CSMD3: variants seen among roughly 807,000 people sequenced by gnomAD.
The protein encoded by CSMD3 is CUB and sushi domain-containing protein 3.
A neutral mutation model predicts 435.2 loss-of-function variants in CSMD3; 177 were observed. The observed-to-expected ratio is 0.41, with a 90% CI of 0.36 to 0.46. CSMD3 has a LOEUF of 0.46. Among genes scored for constraint, CSMD3 ranks in the 20% least tolerant of loss-of-function variants. The pLI is 0.34. For synonymous variants in CSMD3, 1,656 were observed against 1,520.5 expected (o/e 1.09, Z -2.07); for missense variants, 4,265 against 4,504.6 (o/e 0.95, Z 1.52).
At chr8:113,021,331 G>A (rs2086676645) in intron 5 of CSMD3, among the ~76,000 whole-genome samples, 1 of 152,158 alleles carries the variant, frequency 6.6e-6, no homozygotes, top group Non-Finnish European at 1.5e-5. Flanking sequence ...GTAACTCAGT[G>A]AAAAACTATT....
Position 112,645,116 on chromosome 8 carries a change from A to C in CSMD3, c.3303T>G (p.His1101Gln). Residue 1101 changes from histidine (H) to glutamine (Q), a missense_variant, in exon 20 of 71, where the codon CAT becomes CAG. Coordinates refer to ENST00000297405, the MANE Select transcript of CSMD3 (RefSeq NM_198123.2). ...LNCTWTVDVT[H>Q]GKGVQFNFHT... is the part of the protein sequence containing the mutation. ...TTTCATGAGGCAAATTACCTTTTCC[A>C]TGGGTTACATCAACAGTCCATGTAC... The C allele has an allele frequency of 1.3e-6, 2 of 1,509,200 alleles. No homozygotes were observed. The highest frequency in any genetic ancestry group is 1.8e-6 in the Non-Finnish European group (2 of 1,084,324). 93.5% of individuals were successfully genotyped at this position (1,509,200 alleles called of 1,614,324 possible).
intron 6 of CSMD3, among the ~76,000 whole-genome samples, chr8:112,999,771 G>T (rs542901152): frequency 6.6e-6 from 1 of 151,400 alleles, no homozygotes; most frequent in Non-Finnish European, 1.5e-5. Flanking sequence ...TTGCTGATAT[G>T]AGAAAAAATG....
At chr8:113,327,148 G>T (rs1186982410) in intron 1 of CSMD3, among the ~76,000 whole-genome samples, 10 of 152,032 alleles carry the variant, frequency 6.6e-5, no homozygotes, top group Admixed American at 6.6e-4. Flanking sequence ...ATTTTTCTGT[G>T]ATTTTCTTTA....
intron 1 of CSMD3, among the ~76,000 whole-genome samples, chr8:113,330,417 AC>A (rs1563708698): frequency 6.6e-6 from 1 of 152,052 alleles, no homozygotes; most frequent in East Asian, 1.9e-4. Flanking sequence ...TATAAGGCGT[AC>A]AGCAAACAAA....
chr8:113,071,186 T>C (rs1467802278), intron 5 of CSMD3, among the ~76,000 whole-genome samples: 1 of 152,018 alleles, frequency 6.6e-6, no homozygotes, highest in Admixed American at 6.6e-5. Flanking sequence ...TTTGTTTTAG[T>C]TTTGCTACTG....
rs1354844439 is a variant in CSMD3, at chr8:112,386,668, T to C, written c.5935-3005A>G. 2.0e-5 allele frequency among the ~76,000 whole-genome samples: 3 copies of C among 151,850 alleles called. No individual in the cohort carries two copies. In the East Asian group the frequency reaches 5.8e-4, roughly 29 times the overall value. On this transcript the variant is annotated intron_variant, in intron 36 of 70. Transcript: ENST00000297405. ...GCCCGCCACCACGCCCGGCTAATTT[T>C]TTGTATTTTTAGTAGAGACGGGGTT...
intron 1 of CSMD3, among the ~76,000 whole-genome samples, chr8:113,346,023 A>G (rs1486711058): frequency 6.6e-6 from 1 of 152,104 alleles, no homozygotes; most frequent in Non-Finnish European, 1.5e-5. Flanking sequence ...AGTTCCCCTT[A>G]GAAGTCTCAC....
chr8:113,213,420 C>G (rs1212433709), intron 3 of CSMD3, among the ~76,000 whole-genome samples: 1 of 152,024 alleles, frequency 6.6e-6, no homozygotes, highest in Non-Finnish European at 1.5e-5. Flanking sequence ...ATCAGTAGTT[C>G]AAACTGAACT....
At chr8:113,151,011 AT>A (rs2091793076) in intron 4 of CSMD3, among the ~76,000 whole-genome samples, 1 of 152,020 alleles carries the variant, frequency 6.6e-6, no homozygotes, top group Non-Finnish European at 1.5e-5. Flanking sequence ...GCACATAAAA[AT>A]TAAAAGATAT....
chr8:113,141,840 T>G (rs1210031298), intron 4 of CSMD3, among the ~76,000 whole-genome samples: 1 of 150,998 alleles, frequency 6.6e-6, no homozygotes, highest in African/African-American at 2.4e-5. Flanking sequence ...CACAAAGGAT[T>G]AAAAATAACA....
At chr8:112,292,846 G>GACGCCGGTGGGGATAGC in intron 54 of CSMD3, 136 bp from the exon 55 acceptor site, 1 of 764,546 alleles carries the variant, frequency 1.3e-6, no homozygotes, top group Non-Finnish European at 2.2e-6. Context: ...GGAAATATAC[G>GACGCCGGTGGGGATAGC]GAAAGTACAT....
At chr8:113,052,471 A>G (rs140619127) in intron 5 of CSMD3, among the ~76,000 whole-genome samples, 30 of 152,350 alleles carry the variant, frequency 2.0e-4, no homozygotes, top group African/African-American at 7.2e-4. Context: ...AAAATTAAAA[A>G]GTTATTAATC....
At chr8:112,967,887 A>G (rs1402791704) in intron 7 of CSMD3, among the ~76,000 whole-genome samples, 1 of 151,888 alleles carries the variant, frequency 6.6e-6, no homozygotes, top group African/African-American at 2.4e-5. Context: ...AAAGAAGTAA[A>G]GAGAAAAAAG....
chr8:113,324,438 C>A (rs963245030), intron 1 of CSMD3, among the ~76,000 whole-genome samples: 4 of 152,110 alleles, frequency 2.6e-5, no homozygotes, highest in Admixed American at 1.3e-4. Flanking sequence ...ACGTAGACCT[C>A]GGTGCATGGC....
intron 13 of CSMD3, among the ~76,000 whole-genome samples, chr8:112,786,919 A>G (rs1051914837): frequency 1.3e-4 from 19 of 151,892 alleles, no homozygotes; most frequent in African/African-American, 4.6e-4. Flanking sequence ...CTGGTGTGTG[A>G]TGTCCTCCCT....
intron 35 of CSMD3, among the ~76,000 whole-genome samples, chr8:112,397,020 G>C (rs971905068): frequency 6.6e-6 from 1 of 152,130 alleles, no homozygotes; most frequent in East Asian, 1.9e-4. Flanking sequence ...ACAAATTAAA[G>C]AGAACACTTT....
chr8:113,026,459 C>G (rs1163278886), intron 5 of CSMD3, among the ~76,000 whole-genome samples: 1 of 152,146 alleles, frequency 6.6e-6, no homozygotes, highest in Non-Finnish European at 1.5e-5. Context: ...CCAGGCATCT[C>G]TAGGAAACTA....
At position 113,098,574 on chromosome 8, in the gene CSMD3, TA is replaced by T. The variant is rs1326901143; in HGVS notation, c.917+181del. The T allele has an allele frequency of 1.5e-5, 9 of 593,850 alleles. No individual in the cohort carries two copies. In the Admixed American group the frequency reaches 2.4e-4, roughly 16 times the overall value. The allele number at this position is 593,850 out of a possible 1,614,324, so 36.8% of individuals were successfully genotyped here. A position where few individuals can be genotyped will look rare whatever the true frequency, so the allele number is the denominator to read the frequency against. ...GTTTATACAAGTTTTGAATTTCATCTATTTTTTATGTAAATAGCTCGATCTT... is the reference window on the plus strand; with the variant it reads ...GTTTATACAAGTTTTGAATTTCATCTTTTTTTATGTAAATAGCTCGATCTT... On this transcript the variant is annotated intron_variant, in intron 5 of 70. Transcript: ENST00000297405.
rs1564370995 is a variant in CSMD3, at chr8:113,153,134, G to GAGAAA, written c.709+20587_709+20588insTTTCT. 3.4e-3 allele frequency among the ~76,000 whole-genome samples: 322 copies of GAGAAA among 93,992 alleles called. 5 individuals carry two copies. In the East Asian group the frequency reaches 0.043, roughly 12 times the overall value. 61.7% of individuals were successfully genotyped at this position (93,992 alleles called of 152,430 possible). On this transcript the variant is annotated intron_variant, in intron 4 of 70. Transcript: ENST00000297405. ...GAAAGAAAGAAAGAAAGAGAAAGAA[G>GAGAAA]GAAGGAAGGAAGGAAGGAAGGAAGG...
Sources: allele counts gnomAD v4.1 joint callset (sites outside exome capture counted in the v4.1 genomes callset), GRCh38; gene constraint gnomAD v4.1.1; transcripts MANE v1.5; gene names NCBI Gene and HGNC (gene_info 2026-07-23, HGNC 2026-07-21).